The following C4orf50 variants were observed in gnomAD, a reference collection of about 807,000 sequenced individuals.
C4orf50 encodes the protein uncharacterized protein C4orf50.
C4orf50 carries 80 observed loss-of-function variants against 77.2 expected under a neutral mutation model. The observed-to-expected ratio is 1.04, with a 90% CI of 0.87 to 1.25. The LOEUF is 1.25. Among genes scored for constraint, C4orf50 ranks in the 50% most tolerant of loss-of-function variants. The pLI is 0.00. For missense variants in C4orf50, 1,257 were observed against 1,152.9 expected, an observed-to-expected ratio of 1.09 and a Z score of -1.31; for synonymous variants, 532 against 465.3, an observed-to-expected ratio of 1.14 and a Z score of -1.84.
Position 5,965,247 on chromosome 4 carries a change from C to G in C4orf50, c.4154-102G>C, listed in dbSNP as rs935290707. The stretch of plus-strand genomic sequence containing the variant: ...TAACCTTCTTCACTCTCTAGCCATT[C>G]CCAGATCATTCCCAGTTTCCATGCC... On this transcript the variant is annotated intron_variant, in intron 32 of 33. Coordinates refer to ENST00000531445, the Ensembl canonical transcript of C4orf50. 5.6e-6 allele frequency: 7 copies of G among 1,246,970 alleles called. No homozygotes were observed. The African/African-American group carries it at 1.1e-4, about 19-fold the overall frequency. The allele number at this position is 1,246,970 out of a possible 1,614,324, so 77.2% of individuals were successfully genotyped here.
At chr4:5,971,006 A>G (rs1719876711) in intron 31 of C4orf50, among the ~76,000 whole-genome samples, 1 of 152,170 alleles carries the variant, frequency 6.6e-6, no homozygotes, top group Non-Finnish European at 1.5e-5. Flanking sequence ...ACCCAAAGGC[A>G]GGGGCCAGAG....
At chr4:5,978,110 C>A (rs184539391) in intron 29 of C4orf50, among the ~76,000 whole-genome samples, 1 of 152,262 alleles carries the variant, frequency 6.6e-6, no homozygotes, top group East Asian at 1.9e-4. Context: ...AGCTCAAAAC[C>A]AATGAGAGAC....
chr4:5,916,370 C>G lies in C4orf50; in HGVS notation c.*2475-18182G>C, dbSNP rs574566888. 6.7e-6 allele frequency among the ~76,000 whole-genome samples: 1 copy of G among 149,816 alleles called. No individual in the cohort carries two copies. Among genetic ancestry groups the G allele is most frequent in the African/African-American group, 2.6e-5 (1 of 39,186 alleles). The stretch of plus-strand genomic sequence containing the variant: ...GTGGGGCTTAACCACGCCGAACAGA[C>G]AGCCTTGGGTCCCTGCCCACCACAG... On this transcript the variant is annotated intron_variant, in intron 7 of 7. Transcript: ENST00000324058. This position sits in a 1 kb window ranked among gnomAD's most constrained non-coding sequence, Gnocchi z 4.4.
intron 7 of C4orf50, among the ~76,000 whole-genome samples, chr4:5,926,501 T>A (rs529274975): frequency 8.3e-4 from 126 of 152,306 alleles, no homozygotes; most frequent in Non-Finnish European, 1.5e-3. Context: ...TTTAGGACGA[T>A]GAAAACGTTC....
chr4:5,977,078 C>T (rs1720331309), intron 29 of C4orf50, among the ~76,000 whole-genome samples: 1 of 152,168 alleles, frequency 6.6e-6, no homozygotes, highest in Non-Finnish European at 1.5e-5. Flanking sequence ...AAGGCACCAG[C>T]GGGAGCTGCC....
In C4orf50 at chr4:5,988,914, G is replaced by A. The variant is rs993460111; in HGVS notation, c.3132C>T (p.Asp1044=). The change falls in exon 28 of 34, where the codon GAC becomes GAT. Residue 1044 remains aspartate (D), a synonymous_variant. Transcript: ENST00000531445. Reference sequence around the variant, plus strand: ...TTTCCAGGGTGACTTGCTCCATCGTGTCTTTGGATTTCCTGACACTCTCAG... The same window carrying A: ...TTTCCAGGGTGACTTGCTCCATCGTATCTTTGGATTTCCTGACACTCTCAG... 20 of 1,535,918 alleles carry A rather than the reference G, an allele frequency of 1.3e-5. No individual in the cohort carries two copies. The African/African-American group carries it at 2.5e-4, about 19-fold the overall frequency.
At chr4:5,927,356 T>TC (rs1438185646) in intron 7 of C4orf50, among the ~76,000 whole-genome samples, 2 of 151,942 alleles carry the variant, frequency 1.3e-5, no homozygotes, top group African/African-American at 4.8e-5. Context: ...TTCTAACCTC[T>TC]CCCCCAAGCC....
intron 29 of C4orf50, among the ~76,000 whole-genome samples, chr4:5,977,738 C>T (rs9991229): frequency 0.43 from 65,049 of 151,984 alleles, 14,225 homozygotes; most frequent in East Asian, 0.7. Context: ...GACTGTCTTA[C>T]ATTCAAAAAG....
At chr4:5,931,832 G>T (rs1424502041) in intron 7 of C4orf50, among the ~76,000 whole-genome samples, 1 of 152,074 alleles carries the variant, frequency 6.6e-6, no homozygotes, top group East Asian at 1.9e-4. Flanking sequence ...CACCACCCCG[G>T]GGTGTCACTG....
intron 7 of C4orf50, among the ~76,000 whole-genome samples, chr4:5,917,062 C>T (rs547559617): frequency 1.3e-5 from 2 of 152,274 alleles, no homozygotes; most frequent in South Asian, 4.2e-4. Context: ...TTCCAGATCA[C>T]GTACATCATG....
At chr4:5,930,389 C>T (rs1237428507) in intron 7 of C4orf50, among the ~76,000 whole-genome samples, 4 of 152,212 alleles carry the variant, frequency 2.6e-5, no homozygotes, top group African/African-American at 4.8e-5. Flanking sequence ...TGCTTGACTT[C>T]CTATCCCCGC....
At chr4:5,902,016 C>G (rs1716360674) in intron 7 of C4orf50, 1 of 152,298 alleles carries the variant, frequency 6.6e-6, no homozygotes, top group South Asian at 2.1e-4. Flanking sequence ...TTGGCCTACT[C>G]TGTTCTCTCC....
chr4:5,951,985 T>C (rs1456272433), intron 7 of C4orf50, among the ~76,000 whole-genome samples: 2 of 152,214 alleles, frequency 1.3e-5, no homozygotes, highest in Non-Finnish European at 2.9e-5. Context: ...TAATATTTTC[T>C]CATCTAACAG....
At chr4:5,943,534 A>G (rs1718352421) in intron 7 of C4orf50, among the ~76,000 whole-genome samples, 1 of 152,134 alleles carries the variant, frequency 6.6e-6, no homozygotes, top group Non-Finnish European at 1.5e-5. Flanking sequence ...AGATTCCCAG[A>G]CCTCACTGTG....
At chr4:5,987,285 C>T (rs1720917429) in intron 28 of C4orf50, among the ~76,000 whole-genome samples, 1 of 151,610 alleles carries the variant, frequency 6.6e-6, no homozygotes, top group African/African-American at 2.4e-5. Flanking sequence ...GCGGCATGTG[C>T]CTGTGGCCCC....
rs547282162 is a variant in C4orf50, at chr4:5,981,142, AATATG to A, written c.3700-809_3700-805del. On this transcript the variant is annotated intron_variant, in intron 28 of 33. Transcript: ENST00000531445. ...CACAGATTTTCTATATAAAATTTAA[AATATG>A]ATATATTTGTTTTCTGCTTTTCTCC... Among the ~76,000 whole-genome samples the A allele has an allele frequency of 3.9e-3, 595 of 152,298 alleles. 3 individuals are homozygous for A. The highest frequency in any genetic ancestry group is 4.3e-3 in the Non-Finnish European group (291 of 68,044).
At chr4:5,994,395 G>A (rs1006630871) in exon 26 of C4orf50, 26 of 399,160 alleles carry the variant, frequency 6.5e-5, no homozygotes, top group East Asian at 2.1e-4. Flanking sequence ...AGGGAGTTCC[G>A]CCAGTCTTGG....
At chr4:5,918,755 GC>G (rs1201362596) in intron 7 of C4orf50, among the ~76,000 whole-genome samples, 1 of 152,174 alleles carries the variant, frequency 6.6e-6, no homozygotes, top group African/African-American at 2.4e-5. Flanking sequence ...TACATCCTTT[GC>G]AAATGGGCCC....
Position 5,901,443 on chromosome 4 carries a change from A to G in C4orf50, c.*2475-3255T>C, listed in dbSNP as rs967400864. On this transcript the variant is annotated intron_variant, in intron 7 of 7. Transcript: ENST00000324058. This position sits in a 1 kb window ranked among gnomAD's most constrained non-coding sequence, Gnocchi z 4.4. ...TAGTCTCGGAGCCAATAACTTGCAG[A>G]ACCCAGATTGCAGCCTAGCTATTCT... 7 of 152,184 alleles carry G rather than the reference A, an allele frequency of 4.6e-5. No homozygotes were observed. The highest frequency in any genetic ancestry group is 1.4e-4 in the African/African-American group (6 of 41,438). The allele number at this position is 152,184 out of a possible 1,614,324, so 9.4% of individuals were successfully genotyped here.
Sources: gnomAD v4.1 joint callset for allele counts (sites outside exome capture counted in the v4.1 genomes callset) on GRCh38, gnomAD v4.1.1 for gene constraint, Gnocchi (gnomAD v3.1) non-coding constraint, MANE v1.5 for transcripts, NCBI Gene and HGNC (gene_info 2026-07-23, HGNC 2026-07-21) for gene names.